The following ATXN3 variants were observed in gnomAD, a reference collection of about 807,000 sequenced individuals.
ATXN3 encodes the protein ataxin-3.
A neutral mutation model predicts 58.2 loss-of-function variants in ATXN3; 28 were observed. That is an observed-to-expected ratio of 0.48 (90% CI 0.36 to 0.66). The LOEUF (loss-of-function observed/expected upper bound fraction) is 0.66, where lower values mean the gene tolerates loss of function less well. Ranked by LOEUF, ATXN3 falls within the 30% of genes least tolerant of loss-of-function variation. ATXN3 has a pLI of 0.00. For missense variants in ATXN3, 321 were observed against 422.1 expected (o/e 0.76, Z 2.10); for synonymous variants, 113 against 138.5 (o/e 0.82, Z 1.29).
chr14:92,100,290 T>A (rs546394320), intron 1 of ATXN3, among the ~76,000 whole-genome samples: 3 of 152,156 alleles, frequency 2.0e-5, no homozygotes, highest in Non-Finnish European at 4.4e-5. Flanking sequence ...ACAACAGCAA[T>A]GCAAACATAC....
intron 3 of ATXN3, 115 bp from the exon 4 acceptor site, chr14:92,093,946 T>G: frequency 1.0e-5 from 2 of 194,712 alleles, no homozygotes; most frequent in South Asian, 1.1e-4. Context: ...GGCTATAGGT[T>G]TTTTTTTTTT....
At chr14:92,097,379 C>T (rs2065659129) in intron 1 of ATXN3, among the ~76,000 whole-genome samples, 1 of 151,780 alleles carries the variant, frequency 6.6e-6, no homozygotes. Flanking sequence ...AGGCATGCAC[C>T]ACCATGCCTG....
At chr14:92,105,520 G>C (rs1391599394) in intron 1 of ATXN3, among the ~76,000 whole-genome samples, 2 of 152,088 alleles carry the variant, frequency 1.3e-5, no homozygotes, top group Middle Eastern at 3.4e-3. Context: ...TAAATGTCTG[G>C]GATAAATGAT....
At chr14:92,102,835 G>A (rs977874956) in intron 1 of ATXN3, among the ~76,000 whole-genome samples, 1 of 152,158 alleles carries the variant, frequency 6.6e-6, no homozygotes, top group Non-Finnish European at 1.5e-5. Flanking sequence ...TCAAACCCAG[G>A]CAGAGGTTTC....
intron 10 of ATXN3, among the ~76,000 whole-genome samples, chr14:92,067,504 T>C (rs2058657562): frequency 6.6e-6 from 1 of 152,156 alleles, no homozygotes; most frequent in Admixed American, 6.5e-5. Context: ...TCCAGTGATT[T>C]TCCTGCCTTA....
intron 5 of ATXN3, among the ~76,000 whole-genome samples, chr14:92,091,398 C>CCACTGCAATCCAGCCTG (rs913110238): frequency 2.6e-5 from 4 of 151,766 alleles, no homozygotes; most frequent in Admixed American, 2.6e-4. Context: ...TTGCAGGGAG[C>CCACTGCAATCCAGCCTG]CAAGATCCCG....
chr14:92,066,601 G>GTTTTTTTTTTTTTTTTT (rs66941473), intron 10 of ATXN3, among the ~76,000 whole-genome samples: 2 of 107,016 alleles, frequency 1.9e-5, no homozygotes, highest in Non-Finnish European at 3.7e-5. Context: ...TTTTTTTCTT[G>GTTTTTTTTTTTTTTTTT]TTTTTTTTTT....
At chr14:92,091,888 T>C (rs576579198) in intron 5 of ATXN3, among the ~76,000 whole-genome samples, 1 of 150,890 alleles carries the variant, frequency 6.6e-6, no homozygotes, top group East Asian at 2.0e-4. Context: ...AGAGATGGGG[T>C]CTTGTGCCAT....
At chr14:92,057,349 G>A (rs1030567799), downstream of ATXN3, among the ~76,000 whole-genome samples, 1 of 151,492 alleles carries the variant, frequency 6.6e-6, no homozygotes, top group Non-Finnish European at 1.5e-5. Context: ...GCGGGAGGCA[G>A]AGGTTGCAGT....
intron 3 of ATXN3, among the ~76,000 whole-genome samples, chr14:92,095,861 G>A (rs1019718600): frequency 5.9e-5 from 9 of 151,854 alleles, no homozygotes; most frequent in African/African-American, 2.2e-4. Flanking sequence ...AGGATCGCTT[G>A]AACCCGGGAG....
At chr14:92,101,864 T>C (rs886095334) in intron 1 of ATXN3, among the ~76,000 whole-genome samples, 4 of 147,980 alleles carry the variant, frequency 2.7e-5, no homozygotes, top group African/African-American at 1.0e-4. Context: ...CCTCAAAAAA[T>C]AAAAAATAGG....
chr14:92,101,130 T>C (rs1319823011), intron 1 of ATXN3, among the ~76,000 whole-genome samples: 1 of 152,186 alleles, frequency 6.6e-6, no homozygotes, highest in East Asian at 1.9e-4. Flanking sequence ...ACTTCTAATA[T>C]GATTTAATGG....
At chr14:92,084,614 T>C (rs1328277436) in intron 6 of ATXN3, among the ~76,000 whole-genome samples, 2 of 151,886 alleles carry the variant, frequency 1.3e-5, no homozygotes, top group African/African-American at 4.8e-5. Context: ...TCTCACTCTG[T>C]CACCCAGGCT....
chr14:92,067,586 A>G (rs1451008382), intron 10 of ATXN3, among the ~76,000 whole-genome samples: 2 of 152,190 alleles, frequency 1.3e-5, no homozygotes, highest in African/African-American at 4.8e-5. Context: ...TAGTAGAGAC[A>G]GGGTTTCACC....
intron 1 of ATXN3, among the ~76,000 whole-genome samples, chr14:92,101,761 G>A (rs1249894715): frequency 6.6e-6 from 1 of 152,190 alleles, no homozygotes; most frequent in East Asian, 1.9e-4. Context: ...AGGAGGCTAA[G>A]GCAGGAGAAT....
upstream of ATXN3, among the ~76,000 whole-genome samples, chr14:92,052,223 G>A (rs956162463): frequency 4.6e-5 from 7 of 152,074 alleles, no homozygotes; most frequent in African/African-American, 1.2e-4. Flanking sequence ...CGCCGGGTGC[G>A]GTGGTTCACG....
At chr14:92,079,941 T>C (rs1434498360) in intron 9 of ATXN3, among the ~76,000 whole-genome samples, 3 of 152,070 alleles carry the variant, frequency 2.0e-5, no homozygotes, top group Non-Finnish European at 4.4e-5. Context: ...TTTCACCATG[T>C]TGGTCAGGCT....
chr14:92,070,693 G>T, intron 10 of ATXN3: 1 of 1,050,188 alleles, frequency 9.5e-7, no homozygotes, highest in Non-Finnish European at 1.3e-6. Flanking sequence ...ATCCTCTCCT[G>T]CCTTGGTTTC....
At chr14:92,081,465 C>CAAAAAAAAAAAAAAAAAAAAAAAAAAA (rs58398762) in intron 8 of ATXN3, among the ~76,000 whole-genome samples, 2 of 82,972 alleles carry the variant, frequency 2.4e-5, no homozygotes, top group African/African-American at 4.1e-5. Flanking sequence ...GACTCTGACT[C>CAAAAAAAAAAAAAAAAAAAAAAAAAAA]AAAAAAAAAA....
Sources: allele counts gnomAD v4.1 joint callset (sites outside exome capture counted in the v4.1 genomes callset), GRCh38; gene constraint gnomAD v4.1.1; transcripts MANE v1.5; gene names NCBI Gene and HGNC (gene_info 2026-07-23, HGNC 2026-07-21).